The following GABRB1 variants were observed in gnomAD, a reference collection of about 807,000 sequenced individuals.
GABRB1 encodes gamma-aminobutyric acid type A receptor subunit beta1.
GABRB1 carries 17 observed loss-of-function variants against 51.6 expected under a neutral mutation model. That is an observed-to-expected ratio of 0.33 (90% CI 0.23 to 0.49). GABRB1 has a LOEUF of 0.49. Among genes scored for constraint, GABRB1 ranks in the 20% least tolerant of loss-of-function variants. GABRB1 has a pLI of 0.99. For missense variants in GABRB1, 410 were observed against 600.6 expected (o/e 0.68, Z 3.32); for synonymous variants, 247 against 218.9 (o/e 1.13, Z -1.14).
At chr4:47,169,902 A>G (rs373600100) in intron 4 of GABRB1, among the ~76,000 whole-genome samples, 3 of 152,296 alleles carry the variant, frequency 2.0e-5, no homozygotes, top group Admixed American at 1.3e-4. Flanking sequence ...CTAGGAAGAC[A>G]GTTGTCTATG....
At chr4:47,400,921 CTTTTTTTT>C (rs71195629) in intron 5 of GABRB1, among the ~76,000 whole-genome samples, 7 of 98,540 alleles carry the variant, frequency 7.1e-5, no homozygotes, top group African/African-American at 2.5e-4. Flanking sequence ...TTGTTCTTCT[CTTTTTTTT>C]TTTTTTTTTT....
chr4:47,270,681 A>G (rs1722838263), intron 4 of GABRB1, among the ~76,000 whole-genome samples: 1 of 152,220 alleles, frequency 6.6e-6, no homozygotes, highest in Non-Finnish European at 1.5e-5. Flanking sequence ...AAATGTTTCC[A>G]TGACAACAGT....
chr4:47,365,937 A>C (rs1726965991), intron 5 of GABRB1, among the ~76,000 whole-genome samples: 3 of 152,150 alleles, frequency 2.0e-5, no homozygotes, highest in Admixed American at 6.5e-5. Context: ...GCTTTCTCTT[A>C]GCCCAGTCCT....
chr4:47,184,568 C>T (rs1294715451), intron 4 of GABRB1, among the ~76,000 whole-genome samples: 1 of 151,920 alleles, frequency 6.6e-6, no homozygotes, highest in Non-Finnish European at 1.5e-5. Flanking sequence ...CTGCTCAGCT[C>T]AGTCCTTTTT....
chr4:46,998,088 T>C (rs1414696434), intron 1 of GABRB1, among the ~76,000 whole-genome samples: 1 of 152,182 alleles, frequency 6.6e-6, no homozygotes, highest in African/African-American at 2.4e-5. Context: ...CATATTGTAT[T>C]TGAGTAAACA....
intron 3 of GABRB1, among the ~76,000 whole-genome samples, chr4:47,112,282 T>C (rs1165675880): frequency 6.6e-6 from 1 of 152,086 alleles, no homozygotes; most frequent in African/African-American, 2.4e-5. Flanking sequence ...TGAGAAATAT[T>C]TACACAGTAG....
At chr4:47,133,573 G>A (rs1236569017) in intron 3 of GABRB1, among the ~76,000 whole-genome samples, 1 of 152,104 alleles carries the variant, frequency 6.6e-6, no homozygotes, top group Non-Finnish European at 1.5e-5. Context: ...CTTTAACATA[G>A]AGCAGTTCAT....
chr4:47,026,221 T>C (rs931120360), intron 1 of GABRB1, among the ~76,000 whole-genome samples: 15 of 152,054 alleles, frequency 9.9e-5, no homozygotes, highest in African/African-American at 3.6e-4. Context: ...ATTGGTGATT[T>C]GGGTGCCCTT....
chr4:47,391,847 G>A (rs532835919), intron 5 of GABRB1, among the ~76,000 whole-genome samples: 6 of 152,208 alleles, frequency 3.9e-5, no homozygotes, highest in Admixed American at 1.3e-4. Context: ...CTAGGCATCG[G>A]GAATTTTTTA....
At chr4:47,374,805 T>C (rs1426296514) in intron 5 of GABRB1, among the ~76,000 whole-genome samples, 1 of 152,178 alleles carries the variant, frequency 6.6e-6, no homozygotes, top group Non-Finnish European at 1.5e-5. Flanking sequence ...ATTTAATGTG[T>C]TGAAACATAA....
rs1406467671 is a variant in GABRB1, at chr4:47,161,469, G to A, written c.461G>A (p.Arg154Gln). The change falls in exon 4 of 9, where the codon CGA becomes CAA. Residue 154 changes from arginine to glutamine, a missense_variant and splice_region_variant. Arg to Gln is a conservative substitution (Grantham distance 43, BLOSUM62 1). Coordinates refer to ENST00000295454, the MANE Select transcript of GABRB1 (RefSeq NM_000812.4). Reference protein sequence around the residue: ...HPDGTVLYGLRITTTAACMMD... With the variant: ...HPDGTVLYGLQITTTAACMMD... ...GATGGAACAGTTCTCTATGGACTCC[G>A]GTAAATGGCTTTATGTTGCATGTTT... The A allele has an allele frequency of 3.1e-6, 5 of 1,607,856 alleles. No homozygotes were observed. The highest frequency in any genetic ancestry group is 4.3e-6 in the Non-Finnish European group (5 of 1,175,460).
intron 4 of GABRB1, among the ~76,000 whole-genome samples, chr4:47,273,868 C>T (rs905225964): frequency 8.0e-6 from 1 of 124,564 alleles, no homozygotes; most frequent in Non-Finnish European, 1.8e-5. Context: ...TATACATACA[C>T]ACACACACAC....
chr4:47,407,528 T>G (rs1402157953), intron 8 of GABRB1, among the ~76,000 whole-genome samples: 1 of 152,218 alleles, frequency 6.6e-6, no homozygotes, highest in Non-Finnish European at 1.5e-5. Context: ...AATGATCTGT[T>G]TATTCTTTAA....
chr4:47,059,128 A>G (rs1022968285), intron 3 of GABRB1, among the ~76,000 whole-genome samples: 1 of 152,210 alleles, frequency 6.6e-6, no homozygotes, highest in Non-Finnish European at 1.5e-5. Context: ...GAGGAGTGCT[A>G]TGAGCTAATT....
At chr4:47,323,702 C>T (rs1009878994) in intron 5 of GABRB1, among the ~76,000 whole-genome samples, 2 of 152,140 alleles carry the variant, frequency 1.3e-5, no homozygotes, top group Non-Finnish European at 2.9e-5. Context: ...TCCACTAGTT[C>T]GTATGCTCTC....
chr4:47,325,018 T>G (rs568626632), intron 5 of GABRB1, among the ~76,000 whole-genome samples: 6 of 152,328 alleles, frequency 3.9e-5, no homozygotes, highest in Admixed American at 1.3e-4. Flanking sequence ...ACTTTTTACC[T>G]GGACCATTGT....
chr4:47,362,780 T>C (rs6823950), intron 5 of GABRB1, among the ~76,000 whole-genome samples: 40,290 of 152,120 alleles, frequency 0.26, 6,563 homozygotes, highest in Non-Finnish European at 0.38. Context: ...TCACTGTTTT[T>C]AATTAAATAT....
chr4:47,079,956 A>G (rs1320408940), intron 3 of GABRB1, among the ~76,000 whole-genome samples: 1 of 152,050 alleles, frequency 6.6e-6, no homozygotes, highest in Admixed American at 6.6e-5. Flanking sequence ...TATGTAATTA[A>G]CCTGCACGTT....
intron 4 of GABRB1, among the ~76,000 whole-genome samples, chr4:47,295,577 G>A (rs567263461): frequency 2.6e-4 from 40 of 152,218 alleles, no homozygotes; most frequent in Non-Finnish European, 4.3e-4. Flanking sequence ...AAAAAGAAAC[G>A]AACAAAGCCT....
Sources: gnomAD v4.1 joint callset for allele counts (sites outside exome capture counted in the v4.1 genomes callset) on GRCh38, gnomAD v4.1.1 for gene constraint, MANE v1.5 for transcripts, NCBI Gene and HGNC (gene_info 2026-07-23, HGNC 2026-07-21) for gene names.